The following BLTP3B variants were observed in gnomAD, a reference collection of about 807,000 sequenced individuals.
BLTP3B encodes UHRF1 (ICBP90) binding protein 1-like.
chr12:100,092,087 T>C, the BLTP3B span, among the ~76,000 whole-genome samples: 1 of 152,116 alleles, frequency 6.6e-6, no homozygotes, highest in Non-Finnish European at 1.5e-5. Context: ...GGGATTACAC[T>C]GCACCTGGCC....
chr12:100,129,172 T>C, the BLTP3B span, among the ~76,000 whole-genome samples: 1 of 152,006 alleles, frequency 6.6e-6, no homozygotes, highest in African/African-American at 2.4e-5. Flanking sequence ...TCACCGAGAA[T>C]ACTGAGGCAT....
At chr12:100,117,825 C>T in the BLTP3B span, among the ~76,000 whole-genome samples, 1,620 of 152,182 alleles carry the variant, frequency 0.011, 11 homozygotes, top group Non-Finnish European at 0.016. Context: ...TAAAACTACT[C>T]CATTTCAAGC....
At chr12:100,041,522 C>T in the BLTP3B span, among the ~76,000 whole-genome samples, 10 of 150,474 alleles carry the variant, frequency 6.6e-5, no homozygotes, top group Non-Finnish European at 1.2e-4. Flanking sequence ...TTGCAACCAC[C>T]GCCTCCTGGG....
the BLTP3B span, chr12:100,057,992 AAATT>A: frequency 1.3e-6 from 2 of 1,526,934 alleles, no homozygotes; most frequent in Non-Finnish European, 1.7e-6. Flanking sequence ...TCCACAAAAT[AAATT>A]AATTTTTAAA....
At chr12:100,112,844 G>A in the BLTP3B span, among the ~76,000 whole-genome samples, 1 of 132,820 alleles carries the variant, frequency 7.5e-6, no homozygotes, top group African/African-American at 2.9e-5. Flanking sequence ...TGGTGACAGA[G>A]CAAGACTCCA....
the BLTP3B span, among the ~76,000 whole-genome samples, chr12:100,114,094 G>A: frequency 6.6e-6 from 1 of 152,220 alleles, no homozygotes; most frequent in East Asian, 1.9e-4. Context: ...ATATTTAATG[G>A]TTATAATTCA....
chr12:100,138,866 T>TACACACAC, the BLTP3B span, among the ~76,000 whole-genome samples: 23 of 150,704 alleles, frequency 1.5e-4, no homozygotes, highest in African/African-American at 4.6e-4. Flanking sequence ...CACATACACA[T>TACACACAC]ACACACACAC....
At chr12:100,112,036 C>A in the BLTP3B span, among the ~76,000 whole-genome samples, 1 of 152,156 alleles carries the variant, frequency 6.6e-6, no homozygotes, top group Non-Finnish European at 1.5e-5. Context: ...ACCACCACAC[C>A]CAGCCTAGAT....
At chr12:100,129,707 G>A in the BLTP3B span, among the ~76,000 whole-genome samples, 2,416 of 152,276 alleles carry the variant, frequency 0.016, 64 homozygotes, top group African/African-American at 0.053. Flanking sequence ...AAATAAAGCT[G>A]AGAGAAGAAG....
At chr12:100,054,769 C>A in the BLTP3B span, among the ~76,000 whole-genome samples, 2 of 152,024 alleles carry the variant, frequency 1.3e-5, no homozygotes, top group Non-Finnish European at 1.5e-5. Context: ...GTCTGGGGAG[C>A]TAGAATAGCT....
At chr12:100,058,632 A>G in the BLTP3B span, 2 of 1,614,116 alleles carry the variant, frequency 1.2e-6, no homozygotes, top group South Asian at 2.2e-5. Flanking sequence ...AGGAGACTTA[A>G]GAGTATTTGC....
At chr12:100,111,187 T>G in the BLTP3B span, among the ~76,000 whole-genome samples, 2 of 151,940 alleles carry the variant, frequency 1.3e-5, no homozygotes, top group South Asian at 2.1e-4. Flanking sequence ...TTGATGAAAA[T>G]TCAAGTCACA....
At chr12:100,049,783 G>A in the BLTP3B span, among the ~76,000 whole-genome samples, 2 of 152,092 alleles carry the variant, frequency 1.3e-5, no homozygotes, top group African/African-American at 4.8e-5. Flanking sequence ...AAGAGAACTT[G>A]CCAACAAACA....
the BLTP3B span, among the ~76,000 whole-genome samples, chr12:100,106,777 G>C: frequency 1.3e-5 from 2 of 152,170 alleles, no homozygotes; most frequent in African/African-American, 4.8e-5. Context: ...TACTGAAAGT[G>C]TCAAGTCTTT....
At chr12:100,127,773 G>T in the BLTP3B span, among the ~76,000 whole-genome samples, 1 of 152,248 alleles carries the variant, frequency 6.6e-6, no homozygotes, top group South Asian at 2.1e-4. Context: ...AGCACTTTGG[G>T]AGGCCTAGGT....
At chr12:100,128,948 AT>A in the BLTP3B span, among the ~76,000 whole-genome samples, 16 of 152,186 alleles carry the variant, frequency 1.1e-4, no homozygotes, top group Non-Finnish European at 2.4e-4. Context: ...CTACTCCCCA[AT>A]TACATTCACA....
At chr12:100,116,627 GC>G in the BLTP3B span, among the ~76,000 whole-genome samples, 13 of 152,050 alleles carry the variant, frequency 8.5e-5, no homozygotes, top group Non-Finnish European at 1.9e-4. Context: ...AAACTCTACA[GC>G]TAAAATTACG....
chr12:100,122,963 T>C, the BLTP3B span, among the ~76,000 whole-genome samples: 8 of 152,284 alleles, frequency 5.3e-5, no homozygotes, highest in Non-Finnish European at 1.2e-4. Context: ...ATCTCTTAGG[T>C]TTACCCTAAT....
the BLTP3B span, among the ~76,000 whole-genome samples, chr12:100,065,590 T>G: frequency 2.7e-3 from 415 of 152,210 alleles, 1 homozygote; most frequent in African/African-American, 9.6e-3. Context: ...TATGCCCTGG[T>G]CTCCTGCAGT....
Sources: gnomAD v4.1 joint callset for allele counts (sites outside exome capture counted in the v4.1 genomes callset) on GRCh38, gnomAD v4.1.1 for gene constraint, MANE v1.5 for transcripts, NCBI Gene and HGNC (gene_info 2026-07-23, HGNC 2026-07-21) for gene names.